The following FRMPD4 variants were observed in gnomAD, a reference collection of about 807,000 sequenced individuals.
FRMPD4 encodes FERM and PDZ domain containing 4.
FRMPD4 carries 22 observed loss-of-function variants against 94.1 expected under a neutral mutation model. That is an observed-to-expected ratio of 0.23 (90% CI 0.17 to 0.33). The LOEUF (loss-of-function observed/expected upper bound fraction) is 0.33, where lower values mean the gene tolerates loss of function less well. Ranked by LOEUF, FRMPD4 falls within the 10% of genes least tolerant of loss-of-function variation. The probability of loss-of-function intolerance (pLI) is 1.00; values close to 1 mark genes in which losing one functional copy is unlikely to be tolerated. For missense variants in FRMPD4, 1,111 were observed against 1,339.9 expected, an observed-to-expected ratio of 0.83 and a Z score of 2.67; for synonymous variants, 631 against 548.6, an observed-to-expected ratio of 1.15 and a Z score of -2.10.
intron 3 of FRMPD4, among the ~76,000 whole-genome samples, chrX:12,082,821 T>C (rs1374721062): frequency 2.7e-5 from 3 of 111,873 alleles, no homozygotes; most frequent in Non-Finnish European, 3.8e-5. Context: ...ATTTTCCCCC[T>C]GCCCTAGAGA....
intron 3 of FRMPD4, among the ~76,000 whole-genome samples, chrX:12,072,167 T>C (rs1316944639): frequency 9.0e-6 from 1 of 111,084 alleles, no homozygotes; most frequent in East Asian, 2.8e-4. Context: ...TTCATTGGTG[T>C]TTAATCATGA....
intron 3 of FRMPD4, among the ~76,000 whole-genome samples, chrX:11,879,821 C>T (rs1239338662): frequency 3.6e-5 from 4 of 111,691 alleles, no homozygotes; most frequent in East Asian, 2.8e-4. Context: ...CCACAAGTGA[C>T]GCTAGTTCAG....
intron 2 of FRMPD4, among the ~76,000 whole-genome samples, chrX:12,551,447 A>G (rs750256318): frequency 3.6e-5 from 4 of 110,620 alleles, no homozygotes; most frequent in Admixed American, 9.7e-5. Flanking sequence ...TCCATGTTCA[A>G]TTTTCTCCCA....
intron 2 of FRMPD4, among the ~76,000 whole-genome samples, chrX:12,545,178 C>T (rs773987035): frequency 3.6e-5 from 4 of 111,979 alleles, no homozygotes; most frequent in East Asian, 2.8e-4. Flanking sequence ...ACCCGCCACC[C>T]GTGGGCCACA....
intron 3 of FRMPD4, among the ~76,000 whole-genome samples, chrX:11,957,525 CAAAATAAAAT>C (rs773502928): frequency 6.5e-4 from 71 of 108,417 alleles, no homozygotes; most frequent in Non-Finnish European, 1.1e-3. Context: ...GACCCTGTCT[CAAAATAAAAT>C]AAAATAAAAT....
At chrX:12,429,773 G>A (rs1403514515) in intron 1 of FRMPD4, among the ~76,000 whole-genome samples, 3 of 112,210 alleles carry the variant, frequency 2.7e-5, no homozygotes, top group African/African-American at 6.5e-5. Flanking sequence ...TTGGCAATGC[G>A]ATAGGATTAA....
In FRMPD4 at chrX:12,031,061, T is replaced by G. The variant is rs2054688684; in HGVS notation, c.95+153043T>G. 2.7e-5 allele frequency among the ~76,000 whole-genome samples: 3 copies of G among 112,270 alleles called. No homozygotes were observed. In the South Asian group the frequency reaches 1.1e-3, roughly 41 times the overall value. On this transcript the variant is annotated intron_variant, in intron 3 of 18. Transcript: ENST00000640291. ...TATGAGTAGTATACAGTGCACTTTC[T>G]CTAGAGGGAAAAACTATAATGTAAC...
intron 3 of FRMPD4, among the ~76,000 whole-genome samples, chrX:12,015,526 T>G (rs934072391): frequency 1.8e-5 from 2 of 112,292 alleles, no homozygotes; most frequent in South Asian, 3.7e-4. Flanking sequence ...TGTCACCAGA[T>G]AGCTTACATA....
At chrX:12,473,007 A>T (rs1158545754) in intron 1 of FRMPD4, among the ~76,000 whole-genome samples, 1 of 109,753 alleles carries the variant, frequency 9.1e-6, no homozygotes, top group African/African-American at 3.4e-5. Flanking sequence ...AAGACACATA[A>T]TTGTCAGATT....
chrX:12,316,682 A>G (rs576247867), intron 1 of FRMPD4, among the ~76,000 whole-genome samples: 53 of 111,274 alleles, frequency 4.8e-4, no homozygotes, highest in African/African-American at 1.6e-3. Flanking sequence ...AAGGGTATCC[A>G]GGTAAATCCA....
intron 2 of FRMPD4, among the ~76,000 whole-genome samples, chrX:12,576,719 C>T (rs1340670114): frequency 1.8e-5 from 2 of 112,620 alleles, no homozygotes; most frequent in Non-Finnish European, 3.8e-5. Flanking sequence ...CTTTCCACAC[C>T]CCATGGTAAT....
intron 3 of FRMPD4, among the ~76,000 whole-genome samples, chrX:11,878,382 A>G (rs945505756): frequency 8.9e-6 from 1 of 112,280 alleles, no homozygotes; most frequent in African/African-American, 3.2e-5. Context: ...TATAATTCAC[A>G]GTAAACTTTT....
chrX:12,386,753 A>C (rs769763779), intron 1 of FRMPD4, among the ~76,000 whole-genome samples: 4 of 111,842 alleles, frequency 3.6e-5, no homozygotes, highest in Non-Finnish European at 7.5e-5. Context: ...CTTTTCATCA[A>C]GAGTAACAAG....
intron 1 of FRMPD4, among the ~76,000 whole-genome samples, chrX:12,160,422 A>G (rs1006218509): frequency 5.4e-5 from 6 of 111,577 alleles, no homozygotes; most frequent in Admixed American, 9.5e-5. Context: ...TTTGACCACT[A>G]TTATTCTCAA....
At chrX:12,488,262 G>C (rs1312568071) in intron 1 of FRMPD4, among the ~76,000 whole-genome samples, 1 of 112,012 alleles carries the variant, frequency 8.9e-6, no homozygotes, top group Non-Finnish European at 1.9e-5. Flanking sequence ...GCCTTTGGTA[G>C]TTTAAAAAAA....
At chrX:12,181,115 A>G (rs67080639) in intron 1 of FRMPD4, among the ~76,000 whole-genome samples, 28,785 of 111,028 alleles carry the variant, frequency 0.26, 3,038 homozygotes, top group Non-Finnish European at 0.35. Flanking sequence ...TGGATCCTGC[A>G]TGGCATGTTC....
chrX:12,481,942 CAAAAA>C (rs56366427), intron 1 of FRMPD4, among the ~76,000 whole-genome samples: 25 of 11,582 alleles, frequency 2.2e-3, no homozygotes, highest in Middle Eastern at 0.077. Context: ...GACTACATCT[CAAAAA>C]AAAAAAAAAA....
intron 1 of FRMPD4, among the ~76,000 whole-genome samples, chrX:12,297,910 C>T (rs1273695704): frequency 9.0e-6 from 1 of 111,171 alleles, no homozygotes; most frequent in Non-Finnish European, 1.9e-5. Context: ...TACCAAAATA[C>T]AGGCAACACT....
chrX:11,857,353 G>T (rs2053659371), intron 1 of FRMPD4, among the ~76,000 whole-genome samples: 2 of 110,066 alleles, frequency 1.8e-5, no homozygotes, highest in Admixed American at 1.9e-4. Context: ...CTGGTACAAA[G>T]AAAAAAAAGA....
Sources: allele counts gnomAD v4.1 joint callset (sites outside exome capture counted in the v4.1 genomes callset), GRCh38; gene constraint gnomAD v4.1.1; transcripts MANE v1.5; gene names NCBI Gene and HGNC (gene_info 2026-07-23, HGNC 2026-07-21).